The following LGSN variants were observed in gnomAD, a reference collection of about 807,000 sequenced individuals.
The protein encoded by LGSN is lengsin.
A neutral mutation model predicts 19.5 loss-of-function variants in LGSN; 21 were observed. The observed-to-expected ratio is 1.07, with a 90% CI of 0.76 to 1.55. The LOEUF is 1.55. Ranked by LOEUF, LGSN falls within the 40% of genes most tolerant of loss-of-function variation. LGSN has a pLI of 0.00. For synonymous variants in LGSN, 257 were observed against 215.6 expected (o/e 1.19, Z -1.68); for missense variants, 673 against 608.5 (o/e 1.11, Z -1.12).
chr6:63,391,035 T>C, the LGSN span, among the ~76,000 whole-genome samples: 1 of 152,174 alleles, frequency 6.6e-6, no homozygotes, highest in South Asian at 2.1e-4. Context: ...ATAAATTGAT[T>C]GCTTCTGTTA....
At chr6:63,284,388 T>TA (rs942831656) in intron 3 of LGSN, among the ~76,000 whole-genome samples, 13 of 152,002 alleles carry the variant, frequency 8.6e-5, no homozygotes, top group Non-Finnish European at 8.8e-5. Context: ...AGCAGTTGGA[T>TA]AAAAAAAAGT....
At chr6:63,506,258 GT>G in the LGSN span, among the ~76,000 whole-genome samples, 70,370 of 151,306 alleles carry the variant, frequency 0.47, 16,692 homozygotes, top group African/African-American at 0.53. Flanking sequence ...TGGTGGTGTT[GT>G]TGTTGTTGTT....
At chr6:63,428,514 G>C in the LGSN span, among the ~76,000 whole-genome samples, 3 of 152,014 alleles carry the variant, frequency 2.0e-5, no homozygotes, top group Non-Finnish European at 4.4e-5. Flanking sequence ...ACCATGCCCA[G>C]CTAATTTTGT....
Position 63,307,680 on chromosome 6 carries a change from C to T in LGSN, c.30+12234G>A, listed in dbSNP as rs546699702. Among the ~76,000 whole-genome samples, 8 of 152,316 alleles carry T rather than the reference C, an allele frequency of 5.3e-5. No individual in the cohort carries two copies. The East Asian group carries it at 1.4e-3, about 26-fold the overall frequency. ...TATGTTGGAAAAGCAATGCCTGATGCATGGTAAGTACTAAACAGAGGTCAG... is the reference window on the plus strand; with the variant it reads ...TATGTTGGAAAAGCAATGCCTGATGTATGGTAAGTACTAAACAGAGGTCAG... On this transcript the variant is annotated intron_variant, in intron 1 of 3. Coordinates refer to ENST00000370657, the MANE Select transcript of LGSN (RefSeq NM_016571.3).
At chr6:63,498,697 T>C in the LGSN span, among the ~76,000 whole-genome samples, 4 of 152,130 alleles carry the variant, frequency 2.6e-5, no homozygotes, top group Non-Finnish European at 5.9e-5. Flanking sequence ...GGTTTCTCCC[T>C]GTTACATTGT....
upstream of LGSN, among the ~76,000 whole-genome samples, chr6:63,322,584 C>T (rs973585760): frequency 2.0e-5 from 3 of 152,120 alleles, no homozygotes; most frequent in African/African-American, 4.8e-5. Flanking sequence ...TACATTGACA[C>T]CCTTTATTGA....
At chr6:63,307,377 A>G (rs1562016257) in intron 1 of LGSN, among the ~76,000 whole-genome samples, 1 of 152,214 alleles carries the variant, frequency 6.6e-6, no homozygotes, top group Non-Finnish European at 1.5e-5. Context: ...CTCTTAATGA[A>G]CACTGTCACC....
At chr6:63,310,113 T>G (rs2127394471) in intron 1 of LGSN, among the ~76,000 whole-genome samples, 1 of 152,300 alleles carries the variant, frequency 6.6e-6, no homozygotes, top group South Asian at 2.1e-4. Flanking sequence ...CAAAACTAGT[T>G]TTATCATTTC....
the LGSN span, among the ~76,000 whole-genome samples, chr6:63,342,760 G>A: frequency 3.9e-5 from 6 of 152,088 alleles, no homozygotes; most frequent in Non-Finnish European, 5.9e-5. Flanking sequence ...TTTTTACATC[G>A]ATCAGAACCA....
chr6:63,370,701 G>T, the LGSN span, among the ~76,000 whole-genome samples: 1 of 152,224 alleles, frequency 6.6e-6, no homozygotes, highest in Non-Finnish European at 1.5e-5. Flanking sequence ...ACAGATTGGG[G>T]CAGGGCCAGA....
intron 2 of LGSN, among the ~76,000 whole-genome samples, chr6:63,288,322 T>C (rs1767628435): frequency 6.6e-6 from 1 of 151,798 alleles, no homozygotes; most frequent in East Asian, 1.9e-4. Context: ...TCACATACTA[T>C]TCATACTGAA....
At chr6:63,435,942 C>T in the LGSN span, among the ~76,000 whole-genome samples, 10 of 150,610 alleles carry the variant, frequency 6.6e-5, no homozygotes, top group East Asian at 1.8e-3. Flanking sequence ...AACCACTATT[C>T]CCACTTCCTA....
chr6:63,402,745 T>G, the LGSN span, among the ~76,000 whole-genome samples: 5 of 152,166 alleles, frequency 3.3e-5, no homozygotes, highest in African/African-American at 1.2e-4. Flanking sequence ...AGTACCCAGA[T>G]GTTTGGGCAA....
chr6:63,548,996 A>G, the LGSN span: 1 of 730,788 alleles, frequency 1.4e-6, no homozygotes, highest in Non-Finnish European at 2.5e-6. Flanking sequence ...GACACAGGGC[A>G]GGCAAGAAGA....
At chr6:63,551,711 G>C in the LGSN span, among the ~76,000 whole-genome samples, 11 of 98,334 alleles carry the variant, frequency 1.1e-4, no homozygotes, top group Admixed American at 2.8e-4. Context: ...AACAGGCCCC[G>C]GTGTGTGATG....
chr6:63,356,445 G>A, the LGSN span, among the ~76,000 whole-genome samples: 1 of 152,164 alleles, frequency 6.6e-6, no homozygotes, highest in Non-Finnish European at 1.5e-5. Context: ...GGGAGGCTGA[G>A]GTGGGAGAAT....
At chr6:63,492,891 G>A in the LGSN span, among the ~76,000 whole-genome samples, 1 of 152,186 alleles carries the variant, frequency 6.6e-6, no homozygotes, top group Admixed American at 6.5e-5. Context: ...AAGTTATATG[G>A]CTTACAGGAT....
the LGSN span, among the ~76,000 whole-genome samples, chr6:63,557,288 G>C: frequency 2.0e-5 from 3 of 152,160 alleles, no homozygotes; most frequent in African/African-American, 7.2e-5. Flanking sequence ...TATTAGGTGT[G>C]GGCATGGTGG....
chr6:63,328,804 A>G, the LGSN span, among the ~76,000 whole-genome samples: 3 of 152,184 alleles, frequency 2.0e-5, no homozygotes, highest in South Asian at 6.2e-4. Context: ...CTACTAGATG[A>G]GTATTTGCCC....
Sources: allele counts gnomAD v4.1 joint callset (sites outside exome capture counted in the v4.1 genomes callset), GRCh38; gene constraint gnomAD v4.1.1; transcripts MANE v1.5; gene names NCBI Gene and HGNC (gene_info 2026-07-23, HGNC 2026-07-21).